The following NXPE2 variants were observed in gnomAD, a reference collection of about 807,000 sequenced individuals.
The protein encoded by NXPE2 is neurexophilin and PC-esterase domain family member 2, also known as NXPE family member 2.
Under a neutral mutation model 34.4 loss-of-function variants are expected in NXPE2, and 34 were observed. The ratio of observed to expected loss-of-function variants is 0.99; its 90% CI spans 0.75 to 1.31. The LOEUF is 1.31. Among genes scored for constraint, NXPE2 ranks in the 40% most tolerant of loss-of-function variants. The pLI is 0.00. For missense variants in NXPE2, 649 were observed against 672.5 expected (o/e 0.97, Z 0.39); for synonymous variants, 235 against 231.3 (o/e 1.02, Z -0.15).
the NXPE2 span, among the ~76,000 whole-genome samples, chr11:114,466,466 C>T: frequency 0.25 from 38,586 of 151,962 alleles, 5,039 homozygotes; most frequent in East Asian, 0.37. Context: ...GTGAGCAGCA[C>T]TGGATAATAT....
chr11:114,752,255 T>C, the NXPE2 span, among the ~76,000 whole-genome samples: 1 of 152,224 alleles, frequency 6.6e-6, no homozygotes, highest in Non-Finnish European at 1.5e-5. Context: ...GAAGCCAGTA[T>C]GGCTGAAGCC....
At chr11:114,625,175 C>A in the NXPE2 span, among the ~76,000 whole-genome samples, 1 of 152,072 alleles carries the variant, frequency 6.6e-6, no homozygotes. Flanking sequence ...CCACTGTTAC[C>A]CAGTGGATAA....
At chr11:114,726,144 G>A in the NXPE2 span, among the ~76,000 whole-genome samples, 1 of 151,402 alleles carries the variant, frequency 6.6e-6, no homozygotes, top group Admixed American at 6.6e-5. Flanking sequence ...ATAGAATTCT[G>A]TGTTGACAGT....
chr11:114,559,388 T>A, the NXPE2 span, among the ~76,000 whole-genome samples: 1 of 152,324 alleles, frequency 6.6e-6, no homozygotes, highest in South Asian at 2.1e-4. Flanking sequence ...AACAATGTCA[T>A]ACATAAAACA....
At chr11:114,522,943 G>C in the NXPE2 span, 1 of 1,613,466 alleles carries the variant, frequency 6.2e-7, no homozygotes, top group Non-Finnish European at 8.5e-7. Flanking sequence ...GGAGGTAAAT[G>C]AGTTTGCCTT....
chr11:114,636,163 G>A, the NXPE2 span, among the ~76,000 whole-genome samples: 2 of 151,910 alleles, frequency 1.3e-5, no homozygotes, highest in Non-Finnish European at 2.9e-5. Flanking sequence ...TCTATTCAGA[G>A]ATTCAACTTC....
chr11:114,629,222 A>C, the NXPE2 span, among the ~76,000 whole-genome samples: 2 of 150,710 alleles, frequency 1.3e-5, no homozygotes, highest in Non-Finnish European at 3.0e-5. Context: ...ACAACCAAAA[A>C]AGAATTTTAG....
the NXPE2 span, among the ~76,000 whole-genome samples, chr11:114,633,054 T>A: frequency 1.7e-5 from 2 of 115,834 alleles, no homozygotes; most frequent in South Asian, 2.4e-4. Flanking sequence ...ATTGCATTAT[T>A]ATTTTATATT....
the NXPE2 span, among the ~76,000 whole-genome samples, chr11:114,507,499 T>C: frequency 6.6e-6 from 1 of 152,078 alleles, no homozygotes; most frequent in Non-Finnish European, 1.5e-5. Context: ...TTGAACAAAA[T>C]ACTTGCAAAT....
chr11:114,802,362 C>T, the NXPE2 span, among the ~76,000 whole-genome samples: 1 of 152,208 alleles, frequency 6.6e-6, no homozygotes, highest in African/African-American at 2.4e-5. Context: ...TAGCCACAGG[C>T]AGCTCTGAAT....
the NXPE2 span, among the ~76,000 whole-genome samples, chr11:114,528,414 C>G: frequency 4.6e-5 from 7 of 152,176 alleles, no homozygotes; most frequent in Non-Finnish European, 1.0e-4. Flanking sequence ...TTTTGGGTGG[C>G]AGGTAGACCT....
chr11:114,477,137 A>G, the NXPE2 span, among the ~76,000 whole-genome samples: 1 of 152,170 alleles, frequency 6.6e-6, no homozygotes, highest in Non-Finnish European at 1.5e-5. Flanking sequence ...ATGAAAAGGA[A>G]TGGACTTATA....
the NXPE2 span, among the ~76,000 whole-genome samples, chr11:114,508,853 T>G: frequency 6.7e-6 from 1 of 148,620 alleles, no homozygotes; most frequent in East Asian, 2.0e-4. Context: ...GATTTCATGA[T>G]GAAGATTCCA....
chr11:114,808,008 G>A, the NXPE2 span, among the ~76,000 whole-genome samples: 2 of 152,210 alleles, frequency 1.3e-5, no homozygotes, highest in African/African-American at 2.4e-5. Flanking sequence ...AGACCACAGT[G>A]CAATCAAACT....
At chr11:114,688,711 A>G (rs761683508) in intron 2 of NXPE2, among the ~76,000 whole-genome samples, 7 of 151,796 alleles carry the variant, frequency 4.6e-5, no homozygotes, top group Non-Finnish European at 8.9e-5. Context: ...AATCCATGTA[A>G]TCCAGGGCTT....
the NXPE2 span, among the ~76,000 whole-genome samples, chr11:114,785,958 T>C: frequency 6.6e-6 from 1 of 152,170 alleles, no homozygotes; most frequent in Non-Finnish European, 1.5e-5. Context: ...CAGAAGATTA[T>C]TATACTATTA....
At chr11:114,800,089 T>G in the NXPE2 span, among the ~76,000 whole-genome samples, 34 of 152,218 alleles carry the variant, frequency 2.2e-4, 1 homozygote, top group Non-Finnish European at 4.4e-5. Flanking sequence ...TCCTTCTATT[T>G]CTTTCCAACA....
At chr11:114,790,516 C>T in the NXPE2 span, among the ~76,000 whole-genome samples, 7 of 152,168 alleles carry the variant, frequency 4.6e-5, no homozygotes, top group Admixed American at 3.9e-4. Flanking sequence ...CTCCCAATCA[C>T]GAGGTTTTAT....
the NXPE2 span, among the ~76,000 whole-genome samples, chr11:114,606,600 A>G: frequency 2.6e-5 from 4 of 151,928 alleles, no homozygotes; most frequent in African/African-American, 9.7e-5. Context: ...CTTGTGGGTA[A>G]CCACTGTTAC....
Sources: allele counts gnomAD v4.1 joint callset (sites outside exome capture counted in the v4.1 genomes callset), GRCh38; gene constraint gnomAD v4.1.1; transcripts MANE v1.5; gene names NCBI Gene and HGNC (gene_info 2026-07-23, HGNC 2026-07-21).